The following CEP112 variants were observed in gnomAD, a reference collection of about 807,000 sequenced individuals.
CEP112 encodes centrosomal protein of 112 kDa.
In CEP112, 127 loss-of-function variants were observed where a neutral mutation model predicts 153.0. The ratio of observed to expected loss-of-function variants is 0.83; its 90% CI spans 0.72 to 0.96. CEP112 has a LOEUF of 0.96. Among genes scored for constraint, CEP112 ranks in the 40% least tolerant of loss-of-function variants. The pLI is 0.00. For missense variants in CEP112, 1,089 were observed against 1,101.2 expected (o/e 0.99, Z 0.16); for synonymous variants, 358 against 374.4 (o/e 0.96, Z 0.51).
intron 24 of CEP112, among the ~76,000 whole-genome samples, chr17:65,660,803 C>T (rs1271862905): frequency 6.6e-6 from 1 of 152,088 alleles, no homozygotes; most frequent in Non-Finnish European, 1.5e-5. Context: ...CTCAAGCAAT[C>T]CACCCACTTT....
At chr17:65,658,085 T>C (rs2046148675) in intron 24 of CEP112, among the ~76,000 whole-genome samples, 1 of 152,228 alleles carries the variant, frequency 6.6e-6, no homozygotes, top group African/African-American at 2.4e-5. Context: ...TTACATACTG[T>C]GATGATTCTA....
intron 21 of CEP112, among the ~76,000 whole-genome samples, chr17:65,797,829 ATCT>A (rs1221436972): frequency 6.6e-6 from 1 of 152,126 alleles, no homozygotes; most frequent in African/African-American, 2.4e-5. Flanking sequence ...ACTTGTGAAA[ATCT>A]TCTTTTGCCT....
intron 4 of CEP112, among the ~76,000 whole-genome samples, chr17:66,142,324 A>T (rs2070736272): frequency 6.6e-6 from 1 of 152,048 alleles, no homozygotes; most frequent in Non-Finnish European, 1.5e-5. Flanking sequence ...CACTCTGTTG[A>T]TTGTTTGCTG....
At chr17:65,679,482 G>A (rs549410035) in intron 24 of CEP112, among the ~76,000 whole-genome samples, 5 of 152,242 alleles carry the variant, frequency 3.3e-5, no homozygotes, top group African/African-American at 1.2e-4. Context: ...ATAGCTTTGA[G>A]TTGTTAGTAC....
chr17:65,988,520 A>G (rs959416166), intron 17 of CEP112, among the ~76,000 whole-genome samples: 1 of 145,964 alleles, frequency 6.9e-6, no homozygotes, highest in Non-Finnish European at 1.5e-5. Context: ...GTGATCTCCA[A>G]CATAACACAG....
At chr17:65,715,331 G>A (rs977881366) in intron 23 of CEP112, among the ~76,000 whole-genome samples, 3 of 152,126 alleles carry the variant, frequency 2.0e-5, no homozygotes, top group Non-Finnish European at 4.4e-5. Flanking sequence ...TTGTAGGAGT[G>A]AGTGAGTTTG....
At chr17:65,946,002 T>C (rs1022018006) in intron 18 of CEP112, among the ~76,000 whole-genome samples, 7 of 152,178 alleles carry the variant, frequency 4.6e-5, no homozygotes, top group African/African-American at 1.7e-4. Context: ...TTGTGAAATA[T>C]CTGTTCAAGT....
intron 4 of CEP112, among the ~76,000 whole-genome samples, chr17:66,139,619 A>G (rs1399742680): frequency 6.6e-6 from 1 of 152,124 alleles, no homozygotes; most frequent in Admixed American, 6.6e-5. Context: ...AGAGAAAAAA[A>G]AAAGTTATAA....
At chr17:65,721,811 A>G (rs4377195) in intron 23 of CEP112, among the ~76,000 whole-genome samples, 55,168 of 151,318 alleles carry the variant, frequency 0.36, 10,402 homozygotes, top group African/African-American at 0.47. Context: ...AATTGGCCTT[A>G]GACATTTTGT....
chr17:66,080,383 G>C (rs113631694), intron 8 of CEP112, among the ~76,000 whole-genome samples: 1,651 of 152,250 alleles, frequency 0.011, 32 homozygotes, highest in African/African-American at 0.038. Flanking sequence ...AAAAGAAGAC[G>C]TTTATACGGC....
chr17:65,738,841 C>T (rs1296915616), intron 23 of CEP112, among the ~76,000 whole-genome samples: 2 of 152,120 alleles, frequency 1.3e-5, no homozygotes, highest in African/African-American at 2.4e-5. Context: ...AAAAACCGGA[C>T]CTTTAGTATA....
Position 66,019,570 on chromosome 17 carries a change from A to G in CEP112, c.1656+7931T>C, listed in dbSNP as rs557618285. Reference sequence around the variant, plus strand: ...GGCATGCTGAGCAACATTTTCTTCCAATGTAAATAATGTTAGGAACATATG... The same window carrying G: ...GGCATGCTGAGCAACATTTTCTTCCGATGTAAATAATGTTAGGAACATATG... On this transcript the variant is annotated intron_variant, in intron 16 of 26. Transcript: ENST00000535342. 2.6e-5 allele frequency among the ~76,000 whole-genome samples: 4 copies of G among 152,362 alleles called. No homozygotes were observed. In the East Asian group the frequency reaches 7.7e-4, roughly 29 times the overall value.
At chr17:66,163,471 A>G (rs1452835659) in intron 4 of CEP112, among the ~76,000 whole-genome samples, 2 of 152,198 alleles carry the variant, frequency 1.3e-5, no homozygotes, top group African/African-American at 4.8e-5. Context: ...CCAGTAAAGT[A>G]TCAAATAATG....
At chr17:65,839,152 G>C (rs1878523638) in intron 21 of CEP112, among the ~76,000 whole-genome samples, 1 of 151,834 alleles carries the variant, frequency 6.6e-6, no homozygotes, top group Admixed American at 6.6e-5. Context: ...TACTCTACAA[G>C]ACCAGCATTA....
chr17:66,164,886 A>ATGTGTGTGTG (rs57252258), intron 4 of CEP112, among the ~76,000 whole-genome samples: 116 of 137,596 alleles, frequency 8.4e-4, no homozygotes, highest in African/African-American at 1.3e-3. Flanking sequence ...ACACACATAT[A>ATGTGTGTGTG]TGTGTGTGTG....
chr17:65,658,203 T>A (rs1434681394), intron 24 of CEP112, among the ~76,000 whole-genome samples: 1 of 152,178 alleles, frequency 6.6e-6, no homozygotes, highest in Non-Finnish European at 1.5e-5. Context: ...AAACCTGACA[T>A]CTAAGCCTGT....
chr17:66,138,315 A>G (rs555042029), intron 4 of CEP112, among the ~76,000 whole-genome samples: 2 of 152,322 alleles, frequency 1.3e-5, no homozygotes, highest in African/African-American at 4.8e-5. Context: ...AACATTGTCT[A>G]GATGCAGTGA....
intron 23 of CEP112, among the ~76,000 whole-genome samples, chr17:65,734,859 A>C (rs1353818700): frequency 6.6e-6 from 1 of 152,222 alleles, no homozygotes; most frequent in Admixed American, 6.5e-5. Flanking sequence ...TACAATGTGG[A>C]ATCTGAAACT....
intron 2 of CEP112, among the ~76,000 whole-genome samples, chr17:66,180,376 A>C (rs1048110024): frequency 1.1e-4 from 16 of 152,092 alleles, no homozygotes; most frequent in Non-Finnish European, 1.8e-4. Context: ...ATTTTGTTAT[A>C]ATTTTGCATC....
Sources: allele counts gnomAD v4.1 joint callset (sites outside exome capture counted in the v4.1 genomes callset), GRCh38; gene constraint gnomAD v4.1.1; transcripts MANE v1.5; gene names NCBI Gene and HGNC (gene_info 2026-07-23, HGNC 2026-07-21).